The following TGM5 variants were observed in gnomAD, a reference collection of about 807,000 sequenced individuals.
TGM5 encodes the protein transglutaminase 5.
In TGM5, 69 loss-of-function variants were observed where a neutral mutation model predicts 77.2. The ratio of observed to expected loss-of-function variants is 0.89; its 90% CI spans 0.74 to 1.09. The LOEUF (loss-of-function observed/expected upper bound fraction) is 1.09. TGM5 is among the 50% of genes least tolerant of loss of function. The pLI is 0.00. For missense variants in TGM5, 842 were observed against 896.5 expected (o/e 0.94, Z 0.78); for synonymous variants, 346 against 351.8 (o/e 0.98, Z 0.18).
chr15:43,238,347 G>A (rs1032650905), intron 9 of TGM5, among the ~76,000 whole-genome samples: 1 of 152,230 alleles, frequency 6.6e-6, no homozygotes, highest in African/African-American at 2.4e-5. Flanking sequence ...CCTGCTGCCA[G>A]GGCTGTCACC....
intron 6 of TGM5, among the ~76,000 whole-genome samples, chr15:43,243,406 G>T (rs2042651970): frequency 6.6e-6 from 1 of 152,192 alleles, no homozygotes; most frequent in African/African-American, 2.4e-5. Flanking sequence ...TAGAGCATAA[G>T]CTTTGAGTGG....
chr15:43,256,530 CG>C, intron 4 of TGM5, 37 bp downstream of exon 4: 3 of 1,526,142 alleles, frequency 2.0e-6, no homozygotes, highest in Non-Finnish European at 2.7e-6. Flanking sequence ...CCCACAAGCT[CG>C]GGGCCGGGAT....
intron 6 of TGM5, among the ~76,000 whole-genome samples, chr15:43,249,242 T>G (rs188984047): frequency 6.6e-6 from 1 of 152,352 alleles, no homozygotes; most frequent in Non-Finnish European, 1.5e-5. Context: ...ATTCCCAGGA[T>G]GCCTGGCTTC....
intron 7 of TGM5, 195 bp from the exon 8 acceptor site, chr15:43,239,461 T>G: frequency 1.6e-6 from 1 of 642,490 alleles, no homozygotes; most frequent in Admixed American, 2.3e-5. Flanking sequence ...GTGAGAGGAT[T>G]GCTTGAGCTC....
intron 4 of TGM5, among the ~76,000 whole-genome samples, chr15:43,255,014 G>T (rs1267441419): frequency 6.6e-6 from 1 of 152,084 alleles, no homozygotes; most frequent in Non-Finnish European, 1.5e-5. Flanking sequence ...CTGAGCAGGC[G>T]ATCAATATAT....
At chr15:43,259,971 G>A (rs956157340) in intron 3 of TGM5, 81 bp downstream of exon 3, 1 of 1,604,346 alleles carries the variant, frequency 6.2e-7, no homozygotes, top group African/African-American at 1.3e-5. Context: ...CCGGGAGCGG[G>A]GTCTAGAAAC....
Position 43,234,892 on chromosome 15 carries a change from G to A in TGM5, c.1752C>T (p.Tyr584=), listed in dbSNP as rs768656142. The change falls in exon 11 of 13, where the codon TAC becomes TAT. Residue 584 remains tyrosine, a synonymous_variant. Coordinates refer to ENST00000220420, the MANE Select transcript of TGM5 (RefSeq NM_201631.4). ...TYPCKISYSQ[Y]SQYLSTDKLI... is the part of the protein sequence containing the mutation. ...GCTTGTCTGTTGACAGGTACTGGCT[G>A]TACTGGGAATAGGAGATTTTGCAGG... is the stretch of plus-strand genomic sequence containing the variant. The A allele has an allele frequency of 4.2e-5, 67 of 1,614,098 alleles. 1 individual carries two copies. The South Asian group carries it at 5.7e-4, about 14-fold the overall frequency.
rs764366378 is a variant in TGM5 at position 43,256,537 on chromosome 15, G to A, written c.555+31C>T. On this transcript the variant is annotated intron_variant, in intron 4 of 12. Coordinates refer to ENST00000220420, the MANE Select transcript of TGM5 (RefSeq NM_201631.4). Reference sequence around the variant, plus strand: ...TCCCTCTCCCCACAAGCTCGGGGCCGGGATGGGCCATAAGCAGGGCTGAGA... The same window carrying A: ...TCCCTCTCCCCACAAGCTCGGGGCCAGGATGGGCCATAAGCAGGGCTGAGA... 20 of 1,552,916 alleles carry A rather than the reference G, an allele frequency of 1.3e-5. No individual in the cohort carries two copies. In the East Asian group the frequency reaches 1.6e-4, roughly 12 times the overall value.
At chr15:43,256,867 A>G (rs966849594) in intron 3 of TGM5, among the ~76,000 whole-genome samples, 181 bp from the exon 4 acceptor site, 2 of 152,054 alleles carry the variant, frequency 1.3e-5, no homozygotes, top group Non-Finnish European at 2.9e-5. Flanking sequence ...CAGGCTCAAC[A>G]TGAACATAAG....
chr15:43,232,887 T>C lies in TGM5; in HGVS notation c.*304A>G, dbSNP rs2042556383. The C allele has an allele frequency of 2.6e-6, 1 of 390,410 alleles. No homozygotes were observed. The highest frequency in any genetic ancestry group is 4.8e-6 in the Non-Finnish European group (1 of 208,022). The allele number at this position is 390,410 out of a possible 1,614,324, so 24.2% of individuals were successfully genotyped here. A position where few individuals can be genotyped will look rare whatever the true frequency, so the allele number is the denominator to read the frequency against. On this transcript the variant is annotated 3_prime_UTR_variant, in exon 13 of 13. Transcript: ENST00000220420. ...GAAATATCCATCCATAGACATTTCC[T>C]ACCTGTTCTCTGGATGCTGGAGTCT...
chr15:43,249,262 A>C (rs2042688842), intron 6 of TGM5, among the ~76,000 whole-genome samples: 1 of 152,176 alleles, frequency 6.6e-6, no homozygotes, highest in Admixed American at 6.5e-5. Flanking sequence ...CTTCTCAAAT[A>C]ATTTTCTTGA....
At chr15:43,251,885 T>C (rs1198846707) in intron 6 of TGM5, among the ~76,000 whole-genome samples, 3 of 152,218 alleles carry the variant, frequency 2.0e-5, no homozygotes, top group Non-Finnish European at 4.4e-5. Flanking sequence ...ATCCATTCCT[T>C]ATCTGAAAAG....
intron 3 of TGM5, among the ~76,000 whole-genome samples, chr15:43,258,079 G>A (rs1210557452): frequency 2.6e-5 from 4 of 152,082 alleles, no homozygotes; most frequent in African/African-American, 9.7e-5. Flanking sequence ...GGCCTGTCGT[G>A]GGGTGGGGGG....
chr15:43,241,123 A>G, intron 6 of TGM5, 133 bp from the exon 7 acceptor site: 1 of 1,177,694 alleles, frequency 8.5e-7, no homozygotes, highest in Non-Finnish European at 1.2e-6. Context: ...TGTCTGGAAC[A>G]CTGGAATAGT....
chr15:43,256,593 C>T lies in TGM5; in HGVS notation c.530G>A (p.Arg177His), dbSNP rs151101573. The change falls in exon 4 of 13, where the codon CGC becomes CAC. Residue 177 changes from arginine to histidine, a missense_variant. By Grantham distance (29) the Arg-to-His change is conservative. This residue lies in a region of TGM5 where 815 missense variants were observed against 844.6 expected (regional missense o/e 0.96). Coordinates refer to ENST00000220420, the MANE Select transcript of TGM5 (RefSeq NM_201631.4). ...CTGTCCATAGTTCCAGGGACATGGG[C>T]GGATCCAGTTCTTGCTGCCTTGGTA... ...FIYQGSKNWI[R>H]PCPWNYGQFE... is the part of the protein sequence containing the mutation. 1.1e-5 allele frequency: 17 copies of T among 1,613,938 alleles called. No homozygotes were observed. Among genetic ancestry groups the T allele is most frequent in the African/African-American group, 5.3e-5 (4 of 74,904 alleles).
chr15:43,258,777 C>T (rs1467738219), intron 3 of TGM5, among the ~76,000 whole-genome samples: 7 of 152,176 alleles, frequency 4.6e-5, no homozygotes, highest in Non-Finnish European at 7.4e-5. Context: ...TTGGGTCTCC[C>T]GGGGCCTGGG....
Position 43,233,807 on chromosome 15 carries a change from A to G in TGM5, c.1876-120T>C, listed in dbSNP as rs1001033760. The G allele has an allele frequency of 6.6e-6, 8 of 1,207,752 alleles. No homozygotes were observed. The African/African-American group carries it at 1.1e-4, about 16-fold the overall frequency. The allele number at this position is 1,207,752 out of a possible 1,614,324, so 74.8% of individuals were successfully genotyped here. ...CCACCTCCAAATATGCCACTTTGGC[A>G]TAAGAATTCTTTGAGCCGAAGACAA... On this transcript the variant is annotated intron_variant, in intron 11 of 12. Coordinates refer to ENST00000220420, the MANE Select transcript of TGM5 (RefSeq NM_201631.4).
intron 3 of TGM5, 97 bp downstream of exon 3, chr15:43,259,955 G>A: frequency 6.3e-7 from 1 of 1,579,040 alleles, no homozygotes; most frequent in Non-Finnish European, 8.6e-7. Context: ...GGAGGCTCTG[G>A]GTGGCCCGGG....
At position 43,252,778 on chromosome 15, in the gene TGM5, A is replaced by G. The variant is rs565306653; in HGVS notation, c.843T>C (p.Phe281=). 1.9e-5 allele frequency: 31 copies of G among 1,614,028 alleles called. No individual in the cohort carries two copies. Among genetic ancestry groups the G allele is most frequent in the Non-Finnish European group, 2.5e-5 (29 of 1,180,028 alleles). Residue 281 remains phenylalanine (F), a synonymous_variant, in exon 6 of 13, where the codon TTT becomes TTC. Transcript: ENST00000220420. Reference sequence around the variant, plus strand: ...TCCTACCTGTGCACATGACGGCAGCAAAGACCCAGCATTGCCCGTAGCGCA... The same window carrying G: ...TCCTACCTGTGCACATGACGGCAGCGAAGACCCAGCATTGCCCGTAGCGCA... ...QPVRYGQCWV[F]AAVMCTVMRC...
Sources: allele counts gnomAD v4.1 joint callset (sites outside exome capture counted in the v4.1 genomes callset), GRCh38; gene constraint gnomAD v4.1.1; regional missense constraint gnomAD v4.1.1; transcripts MANE v1.5; gene names NCBI Gene and HGNC (gene_info 2026-07-23, HGNC 2026-07-21).